Variants in TBC1D14 observed in about 807,000 individuals in gnomAD.
TBC1D14 encodes TBC1 domain family member 14, also known as TBC1 domain family, member 14.
A neutral mutation model predicts 79.0 loss-of-function variants in TBC1D14; 26 were observed. The observed-to-expected ratio is 0.33, with a 90% CI of 0.24 to 0.46. The LOEUF (loss-of-function observed/expected upper bound fraction) is 0.46. Ranked by LOEUF, TBC1D14 falls within the 20% of genes least tolerant of loss-of-function variation. The pLI is 1.00. For synonymous variants in TBC1D14, 394 were observed against 349.9 expected (o/e 1.13, Z -1.40); for missense variants, 769 against 887.6 (o/e 0.87, Z 1.70).
At chr4:6,996,207 A>G (rs1023654544) in intron 4 of TBC1D14, 118 bp from the exon 5 acceptor site, 3 of 768,824 alleles carry the variant, frequency 3.9e-6, no homozygotes, top group Non-Finnish European at 6.5e-6. Flanking sequence ...GTAATCTTAA[A>G]AAAATGAGTT....
chr4:6,999,078 T>C lies in TBC1D14; in HGVS notation c.1046-7T>C, dbSNP rs1719386826. ...AGATTGTTGTTTTTCTAAATTGTGA[T>C]TTCTAGAGCTGAAAGAAGCCCAGCG... On this transcript the variant is annotated splice_region_variant and splice_polypyrimidine_tract_variant and intron_variant, in intron 5 of 13. Coordinates refer to ENST00000409757, the MANE Select transcript of TBC1D14 (RefSeq NM_020773.3). 6.2e-7 allele frequency: 1 copy of C among 1,613,624 alleles called. No homozygotes were observed. Among genetic ancestry groups the C allele is most frequent in the African/African-American group, 1.3e-5 (1 of 74,914 alleles).
intron 3 of TBC1D14, among the ~76,000 whole-genome samples, chr4:6,972,239 G>A (rs1351463120): frequency 2.0e-5 from 3 of 152,200 alleles, no homozygotes; most frequent in Admixed American, 6.5e-5. Flanking sequence ...CATGGGTCAA[G>A]GAAAAGACAG....
At chr4:6,981,016 C>CT (rs1215930536) in intron 3 of TBC1D14, among the ~76,000 whole-genome samples, 4 of 145,128 alleles carry the variant, frequency 2.8e-5, no homozygotes, top group African/African-American at 1.0e-4. Context: ...CGCCCGGCCT[C>CT]TGTCTCTTTT....
At chr4:6,993,033 C>G (rs908398665) in intron 3 of TBC1D14, among the ~76,000 whole-genome samples, 2 of 152,134 alleles carry the variant, frequency 1.3e-5, no homozygotes, top group Admixed American at 6.5e-5. Flanking sequence ...TTTTTAGAGG[C>G]CTTTCTGGCT....
intron 1 of TBC1D14, among the ~76,000 whole-genome samples, chr4:6,921,202 A>AT (rs1723826919): frequency 6.6e-6 from 1 of 151,634 alleles, no homozygotes; most frequent in Non-Finnish European, 1.5e-5. Context: ...AGAGAACTTT[A>AT]TTTTTTATTT....
intron 3 of TBC1D14, among the ~76,000 whole-genome samples, chr4:6,970,160 G>A (rs1362404806): frequency 1.3e-5 from 2 of 152,236 alleles, no homozygotes; most frequent in African/African-American, 4.8e-5. Flanking sequence ...AGAAAGTGTT[G>A]AGGAAATTCC....
intron 2 of TBC1D14, among the ~76,000 whole-genome samples, chr4:6,932,738 C>T (rs2093756272): frequency 6.6e-6 from 1 of 152,208 alleles, no homozygotes; most frequent in South Asian, 2.1e-4. Context: ...GTCATCCTGC[C>T]TCAGCCTCAG....
chr4:6,993,385 G>C (rs925984364), intron 3 of TBC1D14, among the ~76,000 whole-genome samples: 60 of 152,322 alleles, frequency 3.9e-4, no homozygotes, highest in African/African-American at 1.4e-3. Context: ...GGGTCACCGG[G>C]TGTGAATGAG....
chr4:6,914,789 C>G (rs1168975642), intron 1 of TBC1D14, among the ~76,000 whole-genome samples: 1 of 152,212 alleles, frequency 6.6e-6, no homozygotes, highest in Non-Finnish European at 1.5e-5. Context: ...TCTGTAATCC[C>G]AGCACTTTGG....
At chr4:7,015,737 C>T (rs1322787928) in intron 12 of TBC1D14, among the ~76,000 whole-genome samples, 1 of 152,152 alleles carries the variant, frequency 6.6e-6, no homozygotes, top group Non-Finnish European at 1.5e-5. Flanking sequence ...CCAAACCCAG[C>T]TTCTCCCATT....
intron 13 of TBC1D14, among the ~76,000 whole-genome samples, chr4:7,026,466 A>T (rs2108746527): frequency 6.6e-6 from 1 of 152,354 alleles, no homozygotes; most frequent in South Asian, 2.1e-4. Flanking sequence ...ATGGCTTTAT[A>T]GTTGGTTGGA....
intron 12 of TBC1D14, among the ~76,000 whole-genome samples, chr4:7,015,596 G>A (rs1560353352): frequency 6.6e-6 from 1 of 152,164 alleles, no homozygotes; most frequent in African/African-American, 2.4e-5. Context: ...AGGATGTGGT[G>A]TGGCTGTTAG....
chr4:7,022,813 G>A (rs1377237282), intron 12 of TBC1D14, among the ~76,000 whole-genome samples: 4 of 151,774 alleles, frequency 2.6e-5, no homozygotes, highest in African/African-American at 7.3e-5. Context: ...ATAAATCTCA[G>A]CTTAAGAATA....
chr4:6,974,301 T>A (rs1382077166), intron 3 of TBC1D14, among the ~76,000 whole-genome samples: 1 of 151,014 alleles, frequency 6.6e-6, no homozygotes, highest in Non-Finnish European at 1.5e-5. Flanking sequence ...GATGCTTTAT[T>A]CTCTCTCTCT....
At chr4:6,979,857 A>C (rs954086667) in intron 3 of TBC1D14, among the ~76,000 whole-genome samples, 8 of 152,216 alleles carry the variant, frequency 5.3e-5, no homozygotes, top group African/African-American at 1.9e-4. Flanking sequence ...CCTAATGAAG[A>C]CATAATGATT....
chr4:6,926,068 C>T (rs972660058), intron 2 of TBC1D14, among the ~76,000 whole-genome samples: 1 of 152,222 alleles, frequency 6.6e-6, no homozygotes, highest in Non-Finnish European at 1.5e-5. Context: ...ACCTCCCAGT[C>T]AGTTTTCTCA....
At chr4:6,930,879 A>T (rs1711660074) in intron 2 of TBC1D14, among the ~76,000 whole-genome samples, 1 of 151,282 alleles carries the variant, frequency 6.6e-6, no homozygotes. Context: ...GCACACACTT[A>T]CTCTGGGTCT....
At chr4:6,998,620 C>T (rs961402061) in intron 5 of TBC1D14, among the ~76,000 whole-genome samples, 1 of 151,766 alleles carries the variant, frequency 6.6e-6, no homozygotes, top group Non-Finnish European at 1.5e-5. Context: ...CTCACTGCAA[C>T]CTCTGTCACC....
chr4:6,985,834 C>A (rs1717770558), intron 3 of TBC1D14, among the ~76,000 whole-genome samples: 1 of 152,122 alleles, frequency 6.6e-6, no homozygotes, highest in African/African-American at 2.4e-5. Flanking sequence ...GTTCGCTAAT[C>A]CTTTCAGCCA....
Sources: gnomAD v4.1 joint callset for allele counts (sites outside exome capture counted in the v4.1 genomes callset) on GRCh38, gnomAD v4.1.1 for gene constraint, MANE v1.5 for transcripts, NCBI Gene and HGNC (gene_info 2026-07-23, HGNC 2026-07-21) for gene names.